Variants in MACROD2 observed in about 807,000 individuals in gnomAD.
MACROD2 encodes the protein mono-ADP ribosylhydrolase 2.
In MACROD2, 36 loss-of-function variants were observed where a neutral mutation model predicts 70.4. The observed-to-expected ratio is 0.51, with a 90% CI of 0.39 to 0.68. MACROD2 has a LOEUF of 0.68. Among genes scored for constraint, MACROD2 ranks in the 30% least tolerant of loss-of-function variants. The pLI, the probability that MACROD2 is intolerant of heterozygous loss-of-function variation, is 0.00. For missense variants in MACROD2, 496 were observed against 538.4 expected, an observed-to-expected ratio of 0.92 and a Z score of 0.78; for synonymous variants, 172 against 178.8, an observed-to-expected ratio of 0.96 and a Z score of 0.30.
rs1054433563 is a variant in MACROD2 at position 14,118,050 on chromosome 20, C to A, written c.271+32322C>A. Among the ~76,000 whole-genome samples the A allele has an allele frequency of 2.0e-5, 3 of 152,190 alleles. No individual in the cohort carries two copies. The South Asian group carries it at 6.2e-4, about 32-fold the overall frequency. On this transcript the variant is annotated intron_variant, in intron 3 of 17. Coordinates refer to ENST00000684519, the MANE Select transcript of MACROD2 (RefSeq NM_001351661.2). The stretch of plus-strand genomic sequence containing the variant: ...TGAAAGTACAGTTTTCTCTGTACTT[C>A]TGGTCTACAAACATGTGAGCTAATA...
At chr20:15,880,032 C>T (rs1486096648) in intron 9 of MACROD2, among the ~76,000 whole-genome samples, 2 of 152,066 alleles carry the variant, frequency 1.3e-5, no homozygotes, top group African/African-American at 2.4e-5. Context: ...TCTTGTTAGA[C>T]CTTCAACTGA....
chr20:14,963,654 G>A (rs773545912), intron 5 of MACROD2, among the ~76,000 whole-genome samples: 1 of 152,126 alleles, frequency 6.6e-6, no homozygotes, highest in South Asian at 2.1e-4. Context: ...TACTGAAAAT[G>A]CCATGACAAG....
At chr20:15,555,828 C>CAAAAAAAAAAAAAA (rs397838341) in intron 8 of MACROD2, among the ~76,000 whole-genome samples, 18 of 18,522 alleles carry the variant, frequency 9.7e-4, no homozygotes, top group East Asian at 4.7e-3. Flanking sequence ...GACTCCATCT[C>CAAAAAAAAAAAAAA]AAAAAAAAAA....
intron 4 of MACROD2, among the ~76,000 whole-genome samples, chr20:14,600,918 GA>G (rs1441880625): frequency 2.0e-5 from 3 of 152,106 alleles, no homozygotes; most frequent in African/African-American, 7.2e-5. Context: ...GTATTATATA[GA>G]AAATTCCATG....
chr20:15,030,668 G>GACAGATAA (rs1254963348), intron 5 of MACROD2, among the ~76,000 whole-genome samples: 2 of 152,142 alleles, frequency 1.3e-5, no homozygotes, highest in African/African-American at 4.8e-5. Flanking sequence ...TAGATAGACA[G>GACAGATAA]ATAGATAGAT....
At chr20:14,921,893 CAG>C (rs1328777002) in intron 5 of MACROD2, among the ~76,000 whole-genome samples, 1 of 152,108 alleles carries the variant, frequency 6.6e-6, no homozygotes, top group Non-Finnish European at 1.5e-5. Flanking sequence ...TCATTGTGTG[CAG>C]AGTTTGTAAA....
chr20:15,130,766 T>C (rs762731949), intron 5 of MACROD2, among the ~76,000 whole-genome samples: 7 of 152,102 alleles, frequency 4.6e-5, no homozygotes, highest in Non-Finnish European at 8.8e-5. Context: ...AACCTGCCTA[T>C]TGCCTTAATG....
intron 3 of MACROD2, among the ~76,000 whole-genome samples, chr20:14,371,329 T>G (rs1225932806): frequency 6.6e-6 from 1 of 151,846 alleles, no homozygotes; most frequent in Non-Finnish European, 1.5e-5. Flanking sequence ...TACAAGAAAT[T>G]TTTAAAAATT....
At chr20:14,329,206 A>C (rs923373199) in intron 3 of MACROD2, 1 of 152,128 alleles carries the variant, frequency 6.6e-6, no homozygotes, top group African/African-American at 2.4e-5. Flanking sequence ...GTCACGTTAT[A>C]CAAGAACAGG....
chr20:14,800,911 T>C (rs1177404047), intron 5 of MACROD2, among the ~76,000 whole-genome samples: 1 of 151,630 alleles, frequency 6.6e-6, no homozygotes, highest in African/African-American at 2.4e-5. Flanking sequence ...TTTTCCTAAT[T>C]AAATCTGCCA....
chr20:15,254,906 A>C (rs903960547), intron 6 of MACROD2, among the ~76,000 whole-genome samples: 1 of 150,360 alleles, frequency 6.7e-6, no homozygotes, highest in African/African-American at 2.5e-5. Context: ...TTGAATTGTA[A>C]ACCATTTGGG....
intron 8 of MACROD2, among the ~76,000 whole-genome samples, chr20:15,743,510 C>T (rs767843734): frequency 5.9e-5 from 9 of 152,168 alleles, no homozygotes; most frequent in Non-Finnish European, 1.0e-4. Flanking sequence ...TTTTAAAATC[C>T]CACTTGACTT....
intron 3 of MACROD2, among the ~76,000 whole-genome samples, chr20:14,332,690 G>T (rs917649825): frequency 4.6e-5 from 7 of 151,986 alleles, no homozygotes; most frequent in Non-Finnish European, 1.5e-5. Flanking sequence ...AAATCTAATG[G>T]CATGTAGAAC....
chr20:14,840,246 C>T (rs530695747), intron 5 of MACROD2, among the ~76,000 whole-genome samples: 1 of 152,206 alleles, frequency 6.6e-6, no homozygotes, highest in South Asian at 2.1e-4. Flanking sequence ...CCATGTTGGC[C>T]AGGCTGGTCT....
intron 13 of MACROD2, among the ~76,000 whole-genome samples, chr20:15,972,446 C>G (rs2066245479): frequency 6.6e-6 from 1 of 152,024 alleles, no homozygotes; most frequent in South Asian, 2.1e-4. Context: ...TTATTCAACA[C>G]CAGCAATAAA....
intron 4 of MACROD2, chr20:14,626,924 A>G (rs1429878117): frequency 6.6e-6 from 1 of 152,256 alleles, no homozygotes; most frequent in Non-Finnish European, 1.5e-5. Context: ...CTGGACTGGA[A>G]GAGATGCTAG....
At chr20:15,928,250 C>T (rs11908563) in intron 10 of MACROD2, among the ~76,000 whole-genome samples, 3,365 of 152,224 alleles carry the variant, frequency 0.022, 115 homozygotes, top group African/African-American at 0.075. Flanking sequence ...AAGTTCTTGT[C>T]CTGTTCTTGC....
intron 6 of MACROD2, among the ~76,000 whole-genome samples, chr20:15,385,573 T>A (rs1272296016): frequency 6.6e-6 from 1 of 152,200 alleles, no homozygotes; most frequent in Non-Finnish European, 1.5e-5. Context: ...TGTCGAAGGA[T>A]TACCCTGAGA....
chr20:14,680,570 A>C (rs1285300677), intron 4 of MACROD2, among the ~76,000 whole-genome samples: 1 of 152,196 alleles, frequency 6.6e-6, no homozygotes, highest in African/African-American at 2.4e-5. Context: ...AGAATCTTCT[A>C]AGATAATAGA....
Sources: gnomAD v4.1 joint callset for allele counts (sites outside exome capture counted in the v4.1 genomes callset) on GRCh38, gnomAD v4.1.1 for gene constraint, MANE v1.5 for transcripts, NCBI Gene and HGNC (gene_info 2026-07-23, HGNC 2026-07-21) for gene names.